The following RAP1GDS1 variants were observed in gnomAD, a reference collection of about 807,000 sequenced individuals.
The protein encoded by RAP1GDS1 is Rap1 GTPase-GDP dissociation stimulator 1.
RAP1GDS1 carries 35 observed loss-of-function variants against 71.1 expected under a neutral mutation model. That is an observed-to-expected ratio of 0.49 (90% CI 0.38 to 0.65). RAP1GDS1 has a LOEUF of 0.65. Ranked by LOEUF, RAP1GDS1 falls within the 30% of genes least tolerant of loss-of-function variation. RAP1GDS1 has a pLI of 0.00. For synonymous variants in RAP1GDS1, 229 were observed against 243.1 expected (o/e 0.94, Z 0.54); for missense variants, 663 against 706.1 (o/e 0.94, Z 0.69).
chr4:98,312,799 G>A (rs1249303643), intron 2 of RAP1GDS1, among the ~76,000 whole-genome samples: 3 of 152,110 alleles, frequency 2.0e-5, no homozygotes, highest in African/African-American at 7.2e-5. Flanking sequence ...GCTGGTCACG[G>A]TGGCTCACGC....
chr4:98,396,046 CAG>C (rs906189900), intron 6 of RAP1GDS1: 16 of 153,216 alleles, frequency 1.0e-4, no homozygotes, highest in African/African-American at 2.9e-4. Flanking sequence ...CATGGTGAGA[CAG>C]GGAGCGAGAG....
chr4:98,293,095 T>G (rs1053417221), intron 1 of RAP1GDS1, among the ~76,000 whole-genome samples: 1 of 152,188 alleles, frequency 6.6e-6, no homozygotes, highest in African/African-American at 2.4e-5. Context: ...TTAATTTTTC[T>G]AAGCCATAGA....
chr4:98,441,965 T>C (rs372695216), intron 14 of RAP1GDS1, 25 bp from the exon 15 acceptor site: 9 of 1,611,096 alleles, frequency 5.6e-6, no homozygotes, highest in African/African-American at 1.3e-5. Context: ...AACAGAATCA[T>C]ATCTGTTATT....
chr4:98,386,106 A>C (rs1742705493), intron 5 of RAP1GDS1, among the ~76,000 whole-genome samples: 1 of 151,766 alleles, frequency 6.6e-6, no homozygotes, highest in African/African-American at 2.4e-5. Flanking sequence ...TCTGAGATGA[A>C]AGCGTAGAGT....
At chr4:98,426,288 G>A (rs567268091) in intron 12 of RAP1GDS1, among the ~76,000 whole-genome samples, 79 of 151,978 alleles carry the variant, frequency 5.2e-4, no homozygotes, top group Non-Finnish European at 8.2e-4. Flanking sequence ...AGCACAAAGA[G>A]ACAATCTAAG....
At chr4:98,362,583 GA>G (rs76368889) in intron 4 of RAP1GDS1, among the ~76,000 whole-genome samples, 25,429 of 150,484 alleles carry the variant, frequency 0.17, 3,391 homozygotes, top group African/African-American at 0.37. Context: ...ATAGGAATGG[GA>G]AAAAAAAAGC....
At chr4:98,267,198 A>G (rs1045760734) in intron 1 of RAP1GDS1, among the ~76,000 whole-genome samples, 2 of 152,164 alleles carry the variant, frequency 1.3e-5, no homozygotes, top group South Asian at 2.1e-4. Flanking sequence ...TTGTAGTATC[A>G]TTGTCTGGCT....
intron 2 of RAP1GDS1, among the ~76,000 whole-genome samples, chr4:98,334,225 G>C (rs1181725454): frequency 6.6e-6 from 1 of 152,020 alleles, no homozygotes; most frequent in East Asian, 1.9e-4. Flanking sequence ...TAAAATATGT[G>C]CATGTGCATA....
At chr4:98,267,037 G>C (rs1722794557) in intron 1 of RAP1GDS1, among the ~76,000 whole-genome samples, 1 of 152,158 alleles carries the variant, frequency 6.6e-6, no homozygotes, top group Admixed American at 6.5e-5. Context: ...TTGGGAACCT[G>C]ATGTAATTTT....
intron 4 of RAP1GDS1, among the ~76,000 whole-genome samples, chr4:98,360,254 G>C (rs937005352): frequency 6.6e-6 from 1 of 152,094 alleles, no homozygotes; most frequent in Non-Finnish European, 1.5e-5. Flanking sequence ...TTATAGATAC[G>C]AAAGTAGAGG....
intron 2 of RAP1GDS1, among the ~76,000 whole-genome samples, chr4:98,330,517 C>T (rs539037109): frequency 2.7e-4 from 38 of 143,046 alleles, no homozygotes; most frequent in Non-Finnish European, 3.6e-4. Flanking sequence ...GGGTGGTGGC[C>T]GGGTAAAGGC....
At chr4:98,324,913 T>C (rs1198535932) in intron 2 of RAP1GDS1, among the ~76,000 whole-genome samples, 1 of 151,962 alleles carries the variant, frequency 6.6e-6, no homozygotes, top group Non-Finnish European at 1.5e-5. Context: ...AAGCCAAAAT[T>C]GACAAATGGG....
At chr4:98,440,143 T>C (rs1751692929) in intron 14 of RAP1GDS1, among the ~76,000 whole-genome samples, 1 of 152,226 alleles carries the variant, frequency 6.6e-6, no homozygotes, top group South Asian at 2.1e-4. Context: ...CTTATCTGCA[T>C]TGTAGGCGTG....
intron 1 of RAP1GDS1, among the ~76,000 whole-genome samples, chr4:98,285,900 A>G (rs974491510): frequency 4.7e-5 from 5 of 105,556 alleles, no homozygotes; most frequent in Admixed American, 3.0e-4. Context: ...GTAAATAAAC[A>G]TTATAAATTA....
At chr4:98,418,606 A>G (rs766168648) in intron 9 of RAP1GDS1, 51 bp from the exon 10 acceptor site, 18 of 1,503,680 alleles carry the variant, frequency 1.2e-5, no homozygotes, top group Admixed American at 2.0e-5. Flanking sequence ...ATTATAAAGT[A>G]TTTATAGATA....
intron 2 of RAP1GDS1, among the ~76,000 whole-genome samples, chr4:98,317,069 G>GA (rs1032657353): frequency 4.1e-4 from 63 of 152,182 alleles, no homozygotes; most frequent in African/African-American, 1.4e-3. Context: ...CTCTGCTTGA[G>GA]AGGGTGAATT....
intron 2 of RAP1GDS1, among the ~76,000 whole-genome samples, chr4:98,304,202 GTA>G (rs1167736572): frequency 6.6e-6 from 1 of 152,152 alleles, no homozygotes; most frequent in Non-Finnish European, 1.5e-5. Flanking sequence ...ATTCCTTTGG[GTA>G]TATACCCAGT....
chr4:98,321,592 C>T (rs1427213292), intron 2 of RAP1GDS1, among the ~76,000 whole-genome samples: 1 of 151,672 alleles, frequency 6.6e-6, no homozygotes, highest in Non-Finnish European at 1.5e-5. Context: ...ACCCTACAAG[C>T]CAGAAGAGTG....
chr4:98,330,476 C>A (rs1733800472), intron 2 of RAP1GDS1, among the ~76,000 whole-genome samples: 1 of 146,866 alleles, frequency 6.8e-6, no homozygotes, highest in African/African-American at 2.5e-5. Context: ...GGGGTGGCGG[C>A]TGGGCAGAGG....
Sources: allele counts gnomAD v4.1 joint callset (sites outside exome capture counted in the v4.1 genomes callset), GRCh38; gene constraint gnomAD v4.1.1; transcripts MANE v1.5; gene names NCBI Gene and HGNC (gene_info 2026-07-23, HGNC 2026-07-21).